HTR1E: variants seen among roughly 807,000 people sequenced by gnomAD.
HTR1E encodes 5-hydroxytryptamine receptor 1E.
Under a neutral mutation model 3.4 loss-of-function variants are expected in HTR1E, and 3 were observed. The ratio of observed to expected loss-of-function variants is 0.89; its 90% CI spans 0.41 to 2.31. The LOEUF (loss-of-function observed/expected upper bound fraction) is 2.31, where lower values mean the gene tolerates loss of function less well. HTR1E is among the 30% of genes most tolerant of loss of function. HTR1E has a pLI of 0.05. For synonymous variants in HTR1E, 170 were observed against 182.8 expected, an observed-to-expected ratio of 0.93 and a Z score of 0.56; for missense variants, 392 against 467.0, an observed-to-expected ratio of 0.84 and a Z score of 1.48.
At chr6:87,004,880 A>C (rs1265644650) in intron 1 of HTR1E, among the ~76,000 whole-genome samples, 1 of 152,188 alleles carries the variant, frequency 6.6e-6, no homozygotes, top group African/African-American at 2.4e-5. Context: ...CTGATACACA[A>C]ATACAATCAA....
chr6:86,950,843 G>A (rs954715191), intron 1 of HTR1E, among the ~76,000 whole-genome samples: 2 of 152,002 alleles, frequency 1.3e-5, no homozygotes, highest in African/African-American at 4.8e-5. Flanking sequence ...TACACATTGG[G>A]GTAAACCAAA....
intron 1 of HTR1E, among the ~76,000 whole-genome samples, chr6:86,966,270 A>G (rs1045337746): frequency 2.6e-5 from 4 of 152,232 alleles, no homozygotes; most frequent in Non-Finnish European, 5.9e-5. Context: ...TTATAACATA[A>G]GAAGAAAGAG....
At chr6:86,944,303 G>C (rs1007143639) in intron 1 of HTR1E, among the ~76,000 whole-genome samples, 2 of 152,152 alleles carry the variant, frequency 1.3e-5, no homozygotes, top group Admixed American at 6.5e-5. Context: ...CACAGTGGGA[G>C]GAATACCTAC....
At chr6:86,963,892 A>G (rs761000267) in intron 1 of HTR1E, among the ~76,000 whole-genome samples, 1 of 152,214 alleles carries the variant, frequency 6.6e-6, no homozygotes, top group Non-Finnish European at 1.5e-5. Flanking sequence ...ATGCAGGACT[A>G]TACTTATTAA....
rs1174495690 is a variant in HTR1E, at chr6:87,008,449, T to C, written c.-185-6701T>C. 5.3e-5 allele frequency among the ~76,000 whole-genome samples: 8 copies of C among 152,176 alleles called. No homozygotes were observed. In the East Asian group the frequency reaches 1.3e-3, roughly 26 times the overall value. On this transcript the variant is annotated intron_variant, in intron 1 of 1. Transcript: ENST00000305344. ...ACATATTGAAGACTTCTTTAAATAA[T>C]TGGAAGTAATTTGGGCAAAATGAGA...
intron 1 of HTR1E, among the ~76,000 whole-genome samples, chr6:87,008,643 A>T (rs1189270587): frequency 8.5e-5 from 13 of 152,336 alleles, no homozygotes; most frequent in Admixed American, 8.5e-4. Context: ...CTTCCTAGAG[A>T]CAAGAGGTCC....
intron 1 of HTR1E, among the ~76,000 whole-genome samples, chr6:87,002,039 G>T (rs1038744835): frequency 3.3e-5 from 5 of 152,210 alleles, no homozygotes; most frequent in African/African-American, 1.2e-4. Context: ...ATTATATAAT[G>T]ATTAAAGGGG....
chr6:86,996,998 A>C (rs1767949520), intron 1 of HTR1E, among the ~76,000 whole-genome samples: 1 of 152,072 alleles, frequency 6.6e-6, no homozygotes, highest in Non-Finnish European at 1.5e-5. Flanking sequence ...TCAGCAATAT[A>C]TAAAAAGAAT....
At chr6:86,987,705 C>T (rs1198986282) in intron 1 of HTR1E, among the ~76,000 whole-genome samples, 3 of 152,120 alleles carry the variant, frequency 2.0e-5, no homozygotes, top group Non-Finnish European at 4.4e-5. Flanking sequence ...TTTATTTTCT[C>T]ATAGTTCTGG....
chr6:86,980,386 CAAAAAAAA>C (rs200335569), intron 1 of HTR1E, among the ~76,000 whole-genome samples: 1 of 86,832 alleles, frequency 1.2e-5, no homozygotes, highest in African/African-American at 4.9e-5. Flanking sequence ...GACTCTGTCT[CAAAAAAAA>C]AAAAAAGAAA....
chr6:86,943,084 G>A (rs186688017), intron 1 of HTR1E, among the ~76,000 whole-genome samples: 1 of 152,274 alleles, frequency 6.6e-6, no homozygotes, highest in Admixed American at 6.5e-5. Context: ...CCATTAGCAT[G>A]CATTTAATTA....
intron 1 of HTR1E, among the ~76,000 whole-genome samples, chr6:86,977,028 C>A (rs998013850): frequency 1.3e-5 from 2 of 152,152 alleles, no homozygotes; most frequent in African/African-American, 4.8e-5. Context: ...CTTTTTAATA[C>A]TGTATGAAAA....
At chr6:86,952,182 GA>G (rs1366694065) in intron 1 of HTR1E, among the ~76,000 whole-genome samples, 1 of 152,086 alleles carries the variant, frequency 6.6e-6, no homozygotes, top group African/African-American at 2.4e-5. Context: ...GACTGGCTTT[GA>G]ATATTTCTAC....
intron 1 of HTR1E, among the ~76,000 whole-genome samples, chr6:86,986,093 G>T (rs928026249): frequency 2.0e-5 from 3 of 152,108 alleles, no homozygotes; most frequent in Non-Finnish European, 4.4e-5. Flanking sequence ...TCAGAAAACT[G>T]TCATTATCTA....
intron 1 of HTR1E, among the ~76,000 whole-genome samples, chr6:86,983,182 A>G (rs1007606514): frequency 2.0e-5 from 3 of 152,222 alleles, no homozygotes; most frequent in Admixed American, 6.5e-5. Flanking sequence ...CATTTTTCAG[A>G]TCTAACTTAA....
At chr6:87,006,848 T>C (rs1768116808) in intron 1 of HTR1E, among the ~76,000 whole-genome samples, 1 of 152,174 alleles carries the variant, frequency 6.6e-6, no homozygotes, top group African/African-American at 2.4e-5. Flanking sequence ...CCACATGCTC[T>C]CACTTATAAG....
chr6:86,971,629 G>A (rs73753624), intron 1 of HTR1E, among the ~76,000 whole-genome samples: 16,632 of 151,158 alleles, frequency 0.11, 994 homozygotes, highest in Middle Eastern at 0.18. Context: ...AGTTTGGATT[G>A]TCTGAGCATA....
chr6:86,963,357 G>GT (rs1165011454), intron 1 of HTR1E, among the ~76,000 whole-genome samples: 1 of 152,098 alleles, frequency 6.6e-6, no homozygotes, highest in Non-Finnish European at 1.5e-5. Flanking sequence ...CCATGTTGGT[G>GT]TTTTTTTATC....
intron 1 of HTR1E, among the ~76,000 whole-genome samples, chr6:86,999,071 T>A (rs56314581): frequency 0.048 from 7,273 of 152,230 alleles, 197 homozygotes; most frequent in Middle Eastern, 0.071. Flanking sequence ...ACGATTCTCA[T>A]ACCTCAGCCT....
Sources: allele counts gnomAD v4.1 joint callset (sites outside exome capture counted in the v4.1 genomes callset), GRCh38; gene constraint gnomAD v4.1.1; transcripts MANE v1.5; gene names NCBI Gene and HGNC (gene_info 2026-07-23, HGNC 2026-07-21).